The following OPCML variants were observed in gnomAD, a reference collection of about 807,000 sequenced individuals.
OPCML encodes the protein opioid binding protein/cell adhesion molecule like.
Under a neutral mutation model 37.8 loss-of-function variants are expected in OPCML, and 13 were observed. That is an observed-to-expected ratio of 0.34 (90% CI 0.22 to 0.55). The LOEUF is 0.55. Among genes scored for constraint, OPCML ranks in the 20% least tolerant of loss-of-function variants. The probability of loss-of-function intolerance (pLI) is 0.91; values close to 1 mark genes in which losing one functional copy is unlikely to be tolerated. For missense variants in OPCML, 341 were observed against 435.6 expected (o/e 0.78, Z 1.93); for synonymous variants, 176 against 168.8 (o/e 1.04, Z -0.33).
intron 4 of OPCML, among the ~76,000 whole-genome samples, chr11:132,442,827 T>C (rs2096040945): frequency 6.6e-6 from 1 of 152,204 alleles, no homozygotes; most frequent in African/African-American, 2.4e-5. Context: ...ACTGTGAGGC[T>C]TCCCCAGCCA....
At chr11:133,282,268 C>T (rs1313022166) in intron 1 of OPCML, among the ~76,000 whole-genome samples, 4 of 152,192 alleles carry the variant, frequency 2.6e-5, no homozygotes, top group Non-Finnish European at 5.9e-5. Context: ...CAAGACCCCA[C>T]TGTCCTGAGC....
chr11:133,516,154 G>T (rs745361293), intron 1 of OPCML, among the ~76,000 whole-genome samples: 1 of 152,166 alleles, frequency 6.6e-6, no homozygotes, highest in Non-Finnish European at 1.5e-5. Flanking sequence ...GGGAGAGCAA[G>T]GCTGGCAGCT....
intron 4 of OPCML, among the ~76,000 whole-genome samples, chr11:132,442,501 C>T (rs553957096): frequency 1.8e-4 from 27 of 152,312 alleles, no homozygotes; most frequent in African/African-American, 6.5e-4. Context: ...AAGATTTTAG[C>T]CTTCCACTTT....
rs1405637111 is a variant in OPCML, at chr11:132,945,172, T to C, written c.62-2162A>G. On this transcript the variant is annotated intron_variant, in intron 1 of 7. Transcript: ENST00000524381. ...CTATAGTGAAACATATATAGTCATATGCTGCTTATGGAGGGGGATACAATC... is the reference window on the plus strand; with the variant it reads ...CTATAGTGAAACATATATAGTCATACGCTGCTTATGGAGGGGGATACAATC... Among the ~76,000 whole-genome samples the C allele has an allele frequency of 2.0e-5, 3 of 152,216 alleles. No individual in the cohort carries two copies. In the East Asian group the frequency reaches 5.8e-4, roughly 29 times the overall value.
At chr11:132,695,959 T>C (rs1451776770) in intron 2 of OPCML, among the ~76,000 whole-genome samples, 1 of 152,208 alleles carries the variant, frequency 6.6e-6, no homozygotes, top group South Asian at 2.1e-4. Context: ...AAATGAGCAG[T>C]GGGGCCAACA....
intron 2 of OPCML, among the ~76,000 whole-genome samples, chr11:132,726,241 A>C (rs1327667777): frequency 1.3e-5 from 2 of 152,228 alleles, no homozygotes; most frequent in Admixed American, 1.3e-4. Context: ...ACAGTTCCAC[A>C]TGGCTGGGGA....
At chr11:133,437,622 C>T (rs1946263449) in intron 1 of OPCML, among the ~76,000 whole-genome samples, 1 of 149,810 alleles carries the variant, frequency 6.7e-6, no homozygotes, top group Non-Finnish European at 1.5e-5. Flanking sequence ...ACCTCTGCAA[C>T]CCCGCTCACC....
At chr11:132,569,841 C>T (rs952134610) in intron 3 of OPCML, among the ~76,000 whole-genome samples, 2 of 151,154 alleles carry the variant, frequency 1.3e-5, no homozygotes, top group African/African-American at 2.4e-5. Flanking sequence ...AATTCTATAC[C>T]CAGCTTTAAT....
intron 2 of OPCML, among the ~76,000 whole-genome samples, chr11:132,858,209 A>G (rs1444842306): frequency 2.0e-5 from 3 of 152,244 alleles, no homozygotes; most frequent in Non-Finnish European, 2.9e-5. Context: ...CTGTCTGCAC[A>G]GCTCTCAGGC....
intron 1 of OPCML, among the ~76,000 whole-genome samples, chr11:133,183,041 A>G (rs1019282144): frequency 6.6e-6 from 1 of 152,116 alleles, no homozygotes; most frequent in Non-Finnish European, 1.5e-5. Flanking sequence ...TGGAGGTTAT[A>G]TATGGTGCTG....
At chr11:132,461,867 G>C (rs760013172) in intron 4 of OPCML, among the ~76,000 whole-genome samples, 1 of 152,114 alleles carries the variant, frequency 6.6e-6, no homozygotes, top group Non-Finnish European at 1.5e-5. Flanking sequence ...GATCTCCTGA[G>C]AATTCACTCA....
At chr11:132,549,784 C>G (rs1365321976) in intron 3 of OPCML, among the ~76,000 whole-genome samples, 1 of 152,192 alleles carries the variant, frequency 6.6e-6, no homozygotes, top group Non-Finnish European at 1.5e-5. Context: ...GAGTGACCAG[C>G]CTTCCCCATG....
At chr11:133,508,977 T>A (rs34226771) in intron 1 of OPCML, among the ~76,000 whole-genome samples, 2 of 141,506 alleles carry the variant, frequency 1.4e-5, no homozygotes, top group African/African-American at 5.8e-5. Context: ...TATAAGTTCG[T>A]TTTTTTTTTT....
At chr11:132,650,500 G>A (rs183529938) in intron 3 of OPCML, among the ~76,000 whole-genome samples, 1 of 152,262 alleles carries the variant, frequency 6.6e-6, no homozygotes, top group East Asian at 1.9e-4. Context: ...AATTTTGGCT[G>A]TGTGCTTTAT....
intron 1 of OPCML, among the ~76,000 whole-genome samples, chr11:133,055,586 G>A (rs112258324): frequency 6.7e-6 from 1 of 150,338 alleles, no homozygotes; most frequent in Non-Finnish European, 1.5e-5. Context: ...GACTCCATGA[G>A]GGAGCCGCCT....
At chr11:132,734,205 T>C (rs1466079257) in intron 2 of OPCML, among the ~76,000 whole-genome samples, 1 of 152,206 alleles carries the variant, frequency 6.6e-6, no homozygotes, top group Non-Finnish European at 1.5e-5. Context: ...ATCTTTGTGA[T>C]AGCCAGGCCC....
chr11:133,042,046 G>A (rs577979354), intron 1 of OPCML, among the ~76,000 whole-genome samples: 4 of 152,280 alleles, frequency 2.6e-5, no homozygotes, highest in East Asian at 1.9e-4. Flanking sequence ...GAGCTGGGGG[G>A]TGGGGGGAGC....
intron 2 of OPCML, among the ~76,000 whole-genome samples, chr11:132,792,299 A>T (rs978166310): frequency 6.6e-6 from 1 of 152,200 alleles, no homozygotes; most frequent in African/African-American, 2.4e-5. Flanking sequence ...AGAGAAAAAA[A>T]AAAGTGCTGA....
intron 2 of OPCML, among the ~76,000 whole-genome samples, chr11:132,763,223 C>T (rs1230322229): frequency 1.3e-5 from 2 of 152,198 alleles, no homozygotes; most frequent in African/African-American, 2.4e-5. Context: ...CTGTGTTGGT[C>T]TTGCTGGCAG....
Sources: allele counts gnomAD v4.1 joint callset (sites outside exome capture counted in the v4.1 genomes callset), GRCh38; gene constraint gnomAD v4.1.1; transcripts MANE v1.5; gene names NCBI Gene and HGNC (gene_info 2026-07-23, HGNC 2026-07-21).